Variants in LAMA3 observed in about 807,000 individuals in gnomAD.
LAMA3 encodes laminin subunit alpha 3, also known as laminin subunit alpha-3.
In LAMA3, 281 loss-of-function variants were observed where a neutral mutation model predicts 402.0. The observed-to-expected ratio is 0.70, with a 90% confidence interval of 0.63 to 0.77. LAMA3 has a LOEUF of 0.77. Ranked by LOEUF, LAMA3 falls within the 30% of genes least tolerant of loss-of-function variation. LAMA3 has a pLI of 0.00. For synonymous variants in LAMA3, 1,431 were observed against 1,558.4 expected, an observed-to-expected ratio of 0.92 and a Z score of 1.93; for missense variants, 3,840 against 4,215.5, an observed-to-expected ratio of 0.91 and a Z score of 2.47.
Position 23,946,300 on chromosome 18 carries a change from C to T in LAMA3, c.9351+16C>T. 1.2e-6 allele frequency: 2 copies of T among 1,613,062 alleles called. No homozygotes were observed. The highest frequency in any genetic ancestry group is 1.7e-6 in the Non-Finnish European group (2 of 1,179,096). ...GAAACCAAAGGTAAATAGTTATGTTCAGAGCCATGGACAGAAACAATTCAC... is the reference window on the plus strand; with the variant it reads ...GAAACCAAAGGTAAATAGTTATGTTTAGAGCCATGGACAGAAACAATTCAC... On this transcript the variant is annotated intron_variant, in intron 70 of 74. Coordinates refer to ENST00000313654, the MANE Select transcript of LAMA3 (RefSeq NM_198129.4).
chr18:23,701,978 C>A (rs946121402), intron 1 of LAMA3, among the ~76,000 whole-genome samples: 3 of 151,784 alleles, frequency 2.0e-5, no homozygotes, highest in Non-Finnish European at 4.4e-5. Flanking sequence ...TAATCCTGAT[C>A]GGAATGATCT....
intron 41 of LAMA3, among the ~76,000 whole-genome samples, chr18:23,889,784 ATT>A (rs1347455396): frequency 1.3e-5 from 2 of 152,104 alleles, no homozygotes; most frequent in Non-Finnish European, 2.9e-5. Context: ...CTCCTCCCTC[ATT>A]CAAAAAATTG....
At chr18:23,870,245 G>A (rs1250660905) in intron 37 of LAMA3, among the ~76,000 whole-genome samples, 1 of 152,156 alleles carries the variant, frequency 6.6e-6, no homozygotes, top group Non-Finnish European at 1.5e-5. Context: ...AGAGGTTGTA[G>A]TGAGCTGAGA....
intron 62 of LAMA3, 69 bp downstream of exon 62, chr18:23,921,654 CTGGTCTGCCATT>C: frequency 6.6e-7 from 1 of 1,512,298 alleles, no homozygotes; most frequent in Middle Eastern, 2.1e-4. Flanking sequence ...CAAAAAAAAT[CTGGTCTGCCATT>C]TTTAATTCCA....
chr18:23,933,840 T>TC lies in LAMA3; in HGVS notation c.8770dup (p.Leu2924ProfsTer16). ...CAGTAACTCTCTCAAGAGAGATGTG[T>TC]CCCTGGGAGGCTGCAGTTTAAACAA... is the stretch of plus-strand genomic sequence containing the variant. On this transcript the variant is annotated frameshift_variant, in exon 67 of 75. Coordinates refer to ENST00000313654, the MANE Select transcript of LAMA3 (RefSeq NM_198129.4). LOFTEE classifies it high-confidence loss of function. The TC allele has an allele frequency of 6.2e-7, 1 of 1,614,026 alleles. No individual in the cohort carries two copies. The highest frequency in any genetic ancestry group is 8.5e-7 in the Non-Finnish European group (1 of 1,179,882).
rs781529313 is a variant in LAMA3, at chr18:23,915,371, A to G, written c.7727A>G (p.Asn2576Ser). Residue 2576 changes from asparagine to serine, a missense_variant, in exon 59 of 75, where the codon AAC becomes AGC. By Grantham distance (46) the Asn-to-Ser change is conservative (BLOSUM62 1). Around this residue, in one of 3 missense-constraint regions of LAMA3, gnomAD observed 840 missense variants for 981.9 expected, o/e 0.86. Coordinates refer to ENST00000313654, the MANE Select transcript of LAMA3 (RefSeq NM_198129.4). ...AATGAAAATGTTCTGAGCTTGTACA[A>G]CTTCAAAAAAACATTCAATCTCAAC... ...DLNENVLSLY[N>S]FKKTFNLNTT... The G allele has an allele frequency of 7.6e-5, 122 of 1,613,850 alleles. No individual in the cohort carries two copies. The East Asian group carries it at 2.7e-3, about 35-fold the overall frequency.
At chr18:23,821,411 T>C (rs2063282972) in intron 19 of LAMA3, among the ~76,000 whole-genome samples, 1 of 152,202 alleles carries the variant, frequency 6.6e-6, no homozygotes, top group Admixed American at 6.5e-5. Context: ...TTGTCACCAA[T>C]ATCTCGCTTA....
Position 23,714,049 on chromosome 18 carries a change from A to G in LAMA3, c.424A>G (p.Asn142Asp), listed in dbSNP as rs1174079891. ...CTCAGGCACACAGTACAACAGAGTC[A>G]ACCTCACCTTGGATCTGGGGCAGGT... Reference protein sequence around the residue: ...LSSGTQYNRVNLTLDLGQLFH... With the variant: ...LSSGTQYNRVDLTLDLGQLFH... Residue 142 changes from asparagine to aspartate, a missense_variant, in exon 2 of 75, where the codon AAC (asparagine) becomes GAC (aspartate). Coordinates refer to ENST00000313654, the MANE Select transcript of LAMA3 (RefSeq NM_198129.4). The G allele has an allele frequency of 6.2e-7, 1 of 1,614,100 alleles. No individual in the cohort carries two copies. The highest frequency in any genetic ancestry group is 8.5e-7 in the Non-Finnish European group (1 of 1,180,006).
In LAMA3 at chr18:23,713,903, CA is replaced by C; in HGVS notation, c.295-16del. 6.2e-7 allele frequency: 1 copy of C among 1,602,318 alleles called. No individual in the cohort carries two copies. The highest frequency in any genetic ancestry group is 8.5e-7 in the Non-Finnish European group (1 of 1,176,292). ...TAAAAAACAAAAAACAAAAAAAACC[CA>C]CTTTTTTTTTTTCAGGGCCAGTTCT... On this transcript the variant is annotated splice_polypyrimidine_tract_variant and intron_variant, in intron 1 of 74. Coordinates refer to ENST00000313654, the MANE Select transcript of LAMA3 (RefSeq NM_198129.4).
In LAMA3 at chr18:23,689,893, A is replaced by G; in HGVS notation, c.210A>G (p.Gly70=). The change falls in exon 1 of 75, where the codon GGA becomes GGG. Residue 70 remains glycine (G), a synonymous_variant. Coordinates refer to ENST00000313654, the MANE Select transcript of LAMA3 (RefSeq NM_198129.4). ...IWATATCGER[G]PGEGRPQPEL... Reference sequence around the variant, plus strand: ...CCACCGCCACCTGCGGGGAGAGGGGACCCGGCGAGGGGAGGCCCCAGCCCG... The same window carrying G: ...CCACCGCCACCTGCGGGGAGAGGGGGCCCGGCGAGGGGAGGCCCCAGCCCG... 6.5e-7 allele frequency: 1 copy of G among 1,538,314 alleles called. No individual in the cohort carries two copies. Among genetic ancestry groups the G allele is most frequent in the Non-Finnish European group, 8.8e-7 (1 of 1,142,316 alleles).
intron 12 of LAMA3, chr18:23,796,254 G>A (rs1314538205): frequency 4.4e-6 from 1 of 226,368 alleles, no homozygotes; most frequent in East Asian, 1.3e-4. Flanking sequence ...GGACACATCT[G>A]GTTCTGATTG....
chr18:23,741,770 A>G (rs2061567300), intron 2 of LAMA3, among the ~76,000 whole-genome samples: 1 of 152,340 alleles, frequency 6.6e-6, no homozygotes, highest in South Asian at 2.1e-4. Context: ...GAAACTTAGC[A>G]TTATCAATAA....
chr18:23,912,990 A>C, intron 56 of LAMA3, 109 bp downstream of exon 56: 1 of 1,032,610 alleles, frequency 9.7e-7, no homozygotes, highest in South Asian at 1.3e-5. Context: ...CAGCAGGCAG[A>C]AATCCTACTG....
At chr18:23,736,337 T>C (rs2061474377) in intron 2 of LAMA3, among the ~76,000 whole-genome samples, 1 of 150,600 alleles carries the variant, frequency 6.6e-6, no homozygotes, top group Non-Finnish European at 1.5e-5. Context: ...TTCACCCATA[T>C]TGCTGGATAT....
At position 23,942,012 on chromosome 18, in the gene LAMA3, C is replaced by T. The variant is rs890910114; in HGVS notation, c.9027-1776C>T. ...CTTAATTTAACAAATATAGATTTCTCTTTCGTTTTGAAGAACATTGCCCTC... is the reference window on the plus strand; with the variant it reads ...CTTAATTTAACAAATATAGATTTCTTTTTCGTTTTGAAGAACATTGCCCTC... On this transcript the variant is annotated intron_variant, in intron 68 of 74. Transcript: ENST00000313654. Among the ~76,000 whole-genome samples, 4 of 152,308 alleles carry T rather than the reference C, an allele frequency of 2.6e-5. No individual in the cohort carries two copies. In the South Asian group the frequency reaches 8.3e-4, roughly 32 times the overall value.
chr18:23,802,760 T>C (rs1327083302), intron 12 of LAMA3, among the ~76,000 whole-genome samples: 1 of 152,186 alleles, frequency 6.6e-6, no homozygotes, highest in Non-Finnish European at 1.5e-5. Flanking sequence ...GTGATGCCAC[T>C]CCCATTTCTA....
intron 32 of LAMA3, among the ~76,000 whole-genome samples, chr18:23,850,668 AT>A (rs894874483): frequency 7.2e-5 from 11 of 152,036 alleles, no homozygotes; most frequent in South Asian, 4.1e-4. Flanking sequence ...TCAAAACTTC[AT>A]TTTTTTTAGC....
intron 32 of LAMA3, among the ~76,000 whole-genome samples, chr18:23,852,891 C>T (rs1291901560): frequency 6.6e-6 from 1 of 152,280 alleles, no homozygotes; most frequent in East Asian, 1.9e-4. Flanking sequence ...GCTCCCTCCT[C>T]CTCTCCTACT....
chr18:23,722,355 T>C (rs1401706633), intron 2 of LAMA3, among the ~76,000 whole-genome samples: 1 of 152,228 alleles, frequency 6.6e-6, no homozygotes. Context: ...TAAAGGCTGA[T>C]CCACCGTGTG....
Sources: gnomAD v4.1 joint callset for allele counts (sites outside exome capture counted in the v4.1 genomes callset) on GRCh38, gnomAD v4.1.1 for gene constraint, gnomAD v4.1.1 regional missense constraint, MANE v1.5 for transcripts, NCBI Gene and HGNC (gene_info 2026-07-23, HGNC 2026-07-21) for gene names.